The following PHF20L1 variants were observed in gnomAD, a reference collection of about 807,000 sequenced individuals.
PHF20L1 encodes PHD finger protein 20 like 1.
PHF20L1 carries 44 observed loss-of-function variants against 125.5 expected under a neutral mutation model. The ratio of observed to expected loss-of-function variants is 0.35; its 90% CI spans 0.28 to 0.45. PHF20L1 has a LOEUF of 0.45. Among genes scored for constraint, PHF20L1 ranks in the 20% least tolerant of loss-of-function variants. The pLI is 1.00. For missense variants in PHF20L1, 1,012 were observed against 1,217.2 expected (o/e 0.83, Z 2.51); for synonymous variants, 380 against 403.1 (o/e 0.94, Z 0.69).
chr8:132,790,906 T>C (rs894263581), intron 2 of PHF20L1, among the ~76,000 whole-genome samples: 1 of 152,160 alleles, frequency 6.6e-6, no homozygotes, highest in African/African-American at 2.4e-5. Context: ...ACAGTTTTTG[T>C]ATACACTTAC....
intron 14 of PHF20L1, among the ~76,000 whole-genome samples, chr8:132,831,044 T>G (rs1836717961): frequency 6.6e-6 from 1 of 152,018 alleles, no homozygotes; most frequent in African/African-American, 2.4e-5. Flanking sequence ...CCACCAACAT[T>G]TCTTTCCTGG....
At chr8:132,796,004 A>T (rs1832347274) in intron 4 of PHF20L1, among the ~76,000 whole-genome samples, 1 of 152,022 alleles carries the variant, frequency 6.6e-6, no homozygotes, top group Non-Finnish European at 1.5e-5. Context: ...GAAATCGCGG[A>T]TAAGGGGGAT....
chr8:132,806,119 C>T lies in PHF20L1; in HGVS notation c.847+1379C>T, dbSNP rs542632329. On this transcript the variant is annotated intron_variant, in intron 8 of 20. Coordinates refer to ENST00000395386, the MANE Select transcript of PHF20L1 (RefSeq NM_016018.5). Reference sequence around the variant, plus strand: ...TCGAGATCAAAGAAGACGGAGATGACACTGACATGATACAACTGCCAGCTT... The same window carrying T: ...TCGAGATCAAAGAAGACGGAGATGATACTGACATGATACAACTGCCAGCTT... Among the ~76,000 whole-genome samples the T allele has an allele frequency of 3.3e-5, 5 of 151,986 alleles. No homozygotes were observed. In the South Asian group the frequency reaches 1.0e-3, roughly 31 times the overall value.
chr8:132,805,830 ATATAT>A (rs1288645180), intron 8 of PHF20L1, among the ~76,000 whole-genome samples: 1 of 151,890 alleles, frequency 6.6e-6, no homozygotes, highest in African/African-American at 2.4e-5. Context: ...TTCCATTTGT[ATATAT>A]TATTTTCATG....
chr8:132,811,953 G>A (rs1197957700), intron 9 of PHF20L1: 12 of 980,082 alleles, frequency 1.2e-5, no homozygotes, highest in African/African-American at 1.7e-5. Flanking sequence ...CTCTAGATGC[G>A]TTTTAAAAAC....
At position 132,794,532 on chromosome 8, in the gene PHF20L1, A is replaced by G; in HGVS notation, c.206A>G (p.Glu69Gly). 6.2e-7 allele frequency: 1 copy of G among 1,612,788 alleles called. No individual in the cohort carries two copies. Among genetic ancestry groups the G allele is most frequent in the Non-Finnish European group, 8.5e-7 (1 of 1,178,826 alleles). ...YWDSNRLRPL[E>G]RPALRKEGLK... The stretch of plus-strand genomic sequence containing the variant: ...GATAGCAATAGATTGCGACCCCTTG[A>G]GAGACCAGCACTAAGAAAAGAAGGG... Residue 69 changes from glutamate (E) to glycine (G), a missense_variant, in exon 3 of 21, where the codon GAG becomes GGG. Transcript: ENST00000395386.
At chr8:132,801,212 C>G (rs1833006036) in intron 6 of PHF20L1, among the ~76,000 whole-genome samples, 1 of 151,626 alleles carries the variant, frequency 6.6e-6, no homozygotes, top group African/African-American at 2.4e-5. Flanking sequence ...CGTGCTGATA[C>G]AAAATATACG....
intron 10 of PHF20L1, 71 bp from the exon 11 acceptor site, chr8:132,816,817 T>G: frequency 1.0e-6 from 1 of 985,622 alleles, no homozygotes; most frequent in Non-Finnish European, 1.6e-6. Flanking sequence ...TTTTTCCCAT[T>G]TATCTCCTTA....
At chr8:132,813,157 T>C (rs1336582704) in intron 9 of PHF20L1, 1 of 965,302 alleles carries the variant, frequency 1.0e-6, no homozygotes, top group African/African-American at 1.8e-5. Context: ...CTTTCACATA[T>C]GTGAAGATGA....
rs201789201 is a variant in PHF20L1, at chr8:132,844,174, A to T, written c.2767A>T (p.Thr923Ser). Reference sequence around the variant, plus strand: ...GGAGAAGAATCCAGCTGAAGGGAATACAGTATTTGTTTATAATGATAAAAA... The same window carrying T: ...GGAGAAGAATCCAGCTGAAGGGAATTCAGTATTTGTTTATAATGATAAAAA... ...MPEKNPAEGN[T>S]VFVYNDKKGT... The change falls in exon 20 of 21, where the codon ACA (threonine) becomes TCA (serine). Residue 923 changes from threonine to serine, a missense_variant. Thr to Ser is a moderately conservative substitution (Grantham distance 58, BLOSUM62 1). Coordinates refer to ENST00000395386, the MANE Select transcript of PHF20L1 (RefSeq NM_016018.5). The T allele has an allele frequency of 1.8e-4, 293 of 1,612,400 alleles. No homozygotes were observed. Among genetic ancestry groups the T allele is most frequent in the Non-Finnish European group, 2.4e-4 (280 of 1,178,998 alleles).
Position 132,836,638 on chromosome 8 carries a change from G to C in PHF20L1, c.2008G>C (p.Glu670Gln), listed in dbSNP as rs778095692. ...NQDFDSTNFE[E>Q]SQDEDDALNE... is the part of the protein sequence containing the mutation. ...GGACTTTGATTCAACCAATTTTGAGGAATCTCAGGATGAGGATGATGCTCT... is the reference window on the plus strand; with the variant it reads ...GGACTTTGATTCAACCAATTTTGAGCAATCTCAGGATGAGGATGATGCTCT... The change falls in exon 16 of 21, where the codon GAA (glutamate) becomes CAA (glutamine). Residue 670 changes from glutamate (E) to glutamine (Q), a missense_variant. Glu to Gln is a conservative substitution (Grantham distance 29, BLOSUM62 2). Coordinates refer to ENST00000395386, the MANE Select transcript of PHF20L1 (RefSeq NM_016018.5). 2.3e-5 allele frequency: 37 copies of C among 1,612,876 alleles called. No individual in the cohort carries two copies. Among genetic ancestry groups the C allele is most frequent in the Non-Finnish European group, 3.1e-5 (37 of 1,179,236 alleles).
chr8:132,800,571 A>T (rs1832931608), intron 6 of PHF20L1, among the ~76,000 whole-genome samples: 2 of 151,746 alleles, frequency 1.3e-5, no homozygotes, highest in Admixed American at 1.3e-4. Flanking sequence ...TTAGAAAGAT[A>T]ATTTTTAAAT....
At chr8:132,829,715 T>G (rs945781105) in intron 14 of PHF20L1, among the ~76,000 whole-genome samples, 1 of 152,078 alleles carries the variant, frequency 6.6e-6, no homozygotes, top group Admixed American at 6.6e-5. Flanking sequence ...ATATCACTTA[T>G]TTGTTAAGAG....
chr8:132,821,372 G>C (rs140846636), intron 12 of PHF20L1, among the ~76,000 whole-genome samples: 160 of 151,904 alleles, frequency 1.1e-3, no homozygotes, highest in African/African-American at 3.7e-3. Flanking sequence ...TAGGTCATGG[G>C]GTTGGTCTAA....
chr8:132,835,380 T>C (rs1401064946), intron 15 of PHF20L1, among the ~76,000 whole-genome samples: 1 of 152,128 alleles, frequency 6.6e-6, no homozygotes, highest in Non-Finnish European at 1.5e-5. Context: ...CGATGTTCTG[T>C]TTCTCATGAT....
chr8:132,832,434 T>TA, intron 15 of PHF20L1, 35 bp downstream of exon 15: 1 of 1,475,220 alleles, frequency 6.8e-7, no homozygotes, highest in Non-Finnish European at 9.4e-7. Flanking sequence ...AAACAAGACT[T>TA]ACAATTCCTA....
chr8:132,811,888 T>G (rs1834433246), intron 9 of PHF20L1: 1 of 976,222 alleles, frequency 1.0e-6, no homozygotes, highest in South Asian at 4.7e-5. Flanking sequence ...CCTTTTTGTA[T>G]TACTTTTCTT....
chr8:132,782,250 T>A (rs1274304593), intron 2 of PHF20L1, among the ~76,000 whole-genome samples: 1 of 151,924 alleles, frequency 6.6e-6, no homozygotes, highest in East Asian at 1.9e-4. Context: ...GGGTTTAAAT[T>A]CAGACTGTTA....
At chr8:132,798,700 C>T (rs906300113) in intron 4 of PHF20L1, 72 bp from the exon 5 acceptor site, 12 of 935,368 alleles carry the variant, frequency 1.3e-5, no homozygotes, top group East Asian at 1.0e-4. Context: ...CAAGTCACTA[C>T]TTGTTAGATT....
Sources: gnomAD v4.1 joint callset for allele counts (sites outside exome capture counted in the v4.1 genomes callset) on GRCh38, gnomAD v4.1.1 for gene constraint, MANE v1.5 for transcripts, NCBI Gene and HGNC (gene_info 2026-07-23, HGNC 2026-07-21) for gene names.